Variants in ATP8A1 observed in about 807,000 individuals in gnomAD.
ATP8A1 encodes the protein ATPase phospholipid transporting 8A1, also known as phospholipid-transporting ATPase IA.
ATP8A1 carries 90 observed loss-of-function variants against 177.7 expected under a neutral mutation model. That is an observed-to-expected ratio of 0.51 (90% CI 0.43 to 0.60). ATP8A1 has a LOEUF of 0.60. ATP8A1 is among the 20% of genes least tolerant of loss of function. The pLI is 0.00. For missense variants in ATP8A1, 1,072 were observed against 1,392.8 expected (o/e 0.77, Z 3.67); for synonymous variants, 493 against 485.9 (o/e 1.01, Z -0.19).
chr4:42,446,762 G>C, intron 30 of ATP8A1, 118 bp from the exon 31 acceptor site: 2 of 686,008 alleles, frequency 2.9e-6, no homozygotes, highest in Non-Finnish European at 2.3e-6. Context: ...AATGGAGCCA[G>C]AAATGAGATT....
rs141236810 is a variant in ATP8A1, at chr4:42,652,073, T to C, written c.49+4752A>G. 5.8e-4 allele frequency among the ~76,000 whole-genome samples: 88 copies of C among 152,366 alleles called. No individual in the cohort carries two copies. The East Asian group carries it at 0.015, about 27-fold the overall frequency. ...CTATTGTCTCTCAAGATTCCCAAGTTTGAGGTTTCCCACATCTCACCTAAA... is the reference window on the plus strand; with the variant it reads ...CTATTGTCTCTCAAGATTCCCAAGTCTGAGGTTTCCCACATCTCACCTAAA... On this transcript the variant is annotated intron_variant, in intron 1 of 36. Transcript: ENST00000381668.
intron 22 of ATP8A1, among the ~76,000 whole-genome samples, chr4:42,508,223 C>A (rs1344506929): frequency 1.3e-5 from 2 of 152,108 alleles, no homozygotes; most frequent in Admixed American, 6.5e-5. Flanking sequence ...ACCTCCGCCT[C>A]CCAGGTCCAA....
At chr4:42,550,766 T>C (rs187659305) in intron 18 of ATP8A1, among the ~76,000 whole-genome samples, 173 of 152,336 alleles carry the variant, frequency 1.1e-3, no homozygotes, top group African/African-American at 4.0e-3. Flanking sequence ...ATCTCCCCAA[T>C]GACTAACAAT....
intron 29 of ATP8A1, among the ~76,000 whole-genome samples, chr4:42,454,922 T>C (rs1386955864): frequency 6.6e-6 from 1 of 152,092 alleles, no homozygotes; most frequent in African/African-American, 2.4e-5. Context: ...ATAAAGCCAG[T>C]CCTTACCAGT....
chr4:42,537,211 C>T (rs1392099025), intron 20 of ATP8A1, among the ~76,000 whole-genome samples: 4 of 150,626 alleles, frequency 2.7e-5, no homozygotes, highest in Admixed American at 6.6e-5. Flanking sequence ...TTTGACAAAA[C>T]CCAGCATCCC....
chr4:42,503,419 A>G lies in ATP8A1; in HGVS notation c.2151+31T>C, dbSNP rs1487738769. On this transcript the variant is annotated intron_variant, in intron 24 of 36. Coordinates refer to ENST00000381668, the MANE Select transcript of ATP8A1 (RefSeq NM_006095.2). ...TACTATAGCATGAATATATTATTAA[A>G]GGAGTTTTAAAAATACATAATTTTA... 3.2e-6 allele frequency: 4 copies of G among 1,251,220 alleles called. No homozygotes were observed. In the South Asian group the frequency reaches 5.1e-5, roughly 16 times the overall value. The allele number at this position is 1,251,220 out of a possible 1,614,324, so 77.5% of individuals were successfully genotyped here. A position where few individuals can be genotyped will look rare whatever the true frequency, so the allele number is the denominator to read the frequency against.
At chr4:42,655,848 A>G (rs1741558716) in intron 1 of ATP8A1, among the ~76,000 whole-genome samples, 1 of 152,238 alleles carries the variant, frequency 6.6e-6, no homozygotes, top group Non-Finnish European at 1.5e-5. Flanking sequence ...CCTGTCTCAC[A>G]TTAAAAGATG....
intron 27 of ATP8A1, among the ~76,000 whole-genome samples, chr4:42,464,242 CA>C (rs1197248850): frequency 6.6e-6 from 1 of 150,394 alleles, no homozygotes. Context: ...AGAATTTAAA[CA>C]TAATTCTCCA....
chr4:42,495,384 C>T (rs1195451303), intron 24 of ATP8A1, among the ~76,000 whole-genome samples: 2 of 152,178 alleles, frequency 1.3e-5, no homozygotes, highest in African/African-American at 4.8e-5. Flanking sequence ...CAGTGGAACA[C>T]TGGGCATTCC....
chr4:42,619,293 G>A (rs977271401), intron 4 of ATP8A1, among the ~76,000 whole-genome samples: 3 of 152,110 alleles, frequency 2.0e-5, no homozygotes, highest in Non-Finnish European at 2.9e-5. Context: ...GTTTTATAAC[G>A]AATGGAGTCT....
At chr4:42,506,973 A>C (rs750346924) in intron 23 of ATP8A1, 43 bp downstream of exon 23, 4 of 1,600,542 alleles carry the variant, frequency 2.5e-6, no homozygotes, top group Non-Finnish European at 3.4e-6. Flanking sequence ...ACATTAACTT[A>C]TTAAAAAGCA....
intron 22 of ATP8A1, among the ~76,000 whole-genome samples, chr4:42,519,628 G>A: frequency 6.6e-6 from 1 of 152,126 alleles, no homozygotes; most frequent in East Asian, 1.9e-4. Flanking sequence ...AACATGAACT[G>A]CTTGATGAAA....
chr4:42,529,850 A>C (rs1727082930), intron 20 of ATP8A1, among the ~76,000 whole-genome samples: 1 of 152,188 alleles, frequency 6.6e-6, no homozygotes, highest in African/African-American at 2.4e-5. Flanking sequence ...TGGAAAGAGA[A>C]ATGGCCAGAT....
chr4:42,454,970 C>T (rs895848651), intron 29 of ATP8A1, among the ~76,000 whole-genome samples: 1 of 152,138 alleles, frequency 6.6e-6, no homozygotes, highest in African/African-American at 2.4e-5. Context: ...GAGCATGTCA[C>T]CACAACACTG....
intron 18 of ATP8A1, among the ~76,000 whole-genome samples, chr4:42,550,748 T>C (rs1729422258): frequency 6.6e-6 from 1 of 152,236 alleles, no homozygotes; most frequent in Non-Finnish European, 1.5e-5. Context: ...CACTGTGGTC[T>C]TAATTGTATC....
intron 1 of ATP8A1, among the ~76,000 whole-genome samples, chr4:42,642,111 A>G (rs918333538): frequency 1.2e-4 from 18 of 152,212 alleles, no homozygotes; most frequent in African/African-American, 4.3e-4. Flanking sequence ...TACACTGTCC[A>G]CAAACAAGAC....
At chr4:42,425,566 G>C (rs573201238) in intron 33 of ATP8A1, among the ~76,000 whole-genome samples, 1 of 152,022 alleles carries the variant, frequency 6.6e-6, no homozygotes, top group African/African-American at 2.4e-5. Context: ...GATGAAGAGG[G>C]GGGGAAAAAT....
intron 5 of ATP8A1, among the ~76,000 whole-genome samples, chr4:42,610,197 C>G (rs576707686): frequency 1.4e-4 from 21 of 150,924 alleles, no homozygotes; most frequent in South Asian, 8.4e-4. Flanking sequence ...TATCAGTCTG[C>G]ATCTTATCTT....
At chr4:42,644,917 C>A (rs1033807326) in intron 1 of ATP8A1, among the ~76,000 whole-genome samples, 1 of 149,760 alleles carries the variant, frequency 6.7e-6, no homozygotes. Flanking sequence ...ACAGAAATTT[C>A]AAAGACTATT....
Sources: gnomAD v4.1 joint callset for allele counts (sites outside exome capture counted in the v4.1 genomes callset) on GRCh38, gnomAD v4.1.1 for gene constraint, MANE v1.5 for transcripts, NCBI Gene and HGNC (gene_info 2026-07-23, HGNC 2026-07-21) for gene names.